GCN1: variants seen among roughly 807,000 people sequenced by gnomAD.
The protein encoded by GCN1 is stalled ribosome sensor GCN1.
GCN1 carries 90 observed loss-of-function variants against 288.4 expected under a neutral mutation model. That is an observed-to-expected ratio of 0.31 (90% CI 0.26 to 0.37). The LOEUF (loss-of-function observed/expected upper bound fraction) is 0.37, where lower values mean the gene tolerates loss of function less well. GCN1 is among the 10% of genes least tolerant of loss of function. The probability of loss-of-function intolerance (pLI) is 1.00; values close to 1 mark genes in which losing one functional copy is unlikely to be tolerated. For synonymous variants in GCN1, 1,386 were observed against 1,420.2 expected, an observed-to-expected ratio of 0.98 and a Z score of 0.54; for missense variants, 2,586 against 3,419.9, an observed-to-expected ratio of 0.76 and a Z score of 6.08.
chr12:120,182,561 G>A (rs1474158957), intron 5 of GCN1, among the ~76,000 whole-genome samples: 3 of 152,164 alleles, frequency 2.0e-5, no homozygotes, highest in African/African-American at 7.2e-5. Flanking sequence ...AGGTGGACAG[G>A]GTGAGTAGTA....
chr12:120,144,011 C>T lies in GCN1; in HGVS notation c.5495+295G>A, dbSNP rs1449806830. 6.6e-6 allele frequency among the ~76,000 whole-genome samples: 1 copy of T among 152,172 alleles called. No homozygotes were observed. Among genetic ancestry groups the T allele is most frequent in the African/African-American group, 2.4e-5 (1 of 41,450 alleles). On this transcript the variant is annotated intron_variant, in intron 42 of 57. Coordinates refer to ENST00000300648, the MANE Select transcript of GCN1 (RefSeq NM_006836.2). This position sits in a 1 kb window ranked among gnomAD's most constrained non-coding sequence, Gnocchi z 4.7. Reference sequence around the variant, plus strand: ...TTTTCTCCTAAGACAGCGTCTTGCTCTGTTGCCCAGGTTGGAGTGCAGTGG... The same window carrying T: ...TTTTCTCCTAAGACAGCGTCTTGCTTTGTTGCCCAGGTTGGAGTGCAGTGG...
chr12:120,164,300 C>A (rs750415357), intron 18 of GCN1, 36 bp downstream of exon 18: 21 of 1,582,142 alleles, frequency 1.3e-5, no homozygotes, highest in Admixed American at 1.1e-4. Context: ...CTAAGTGGAT[C>A]CAAGAGCCCC....
intron 47 of GCN1, 111 bp from the exon 48 acceptor site, chr12:120,138,155 A>C: frequency 9.5e-7 from 1 of 1,053,636 alleles, no homozygotes; most frequent in Non-Finnish European, 1.4e-6. Flanking sequence ...AGAGCCAAGC[A>C]TCTACTCCAG....
chr12:120,150,087 T>G (rs760001005), intron 34 of GCN1, 44 bp from the exon 35 acceptor site: 3 of 1,606,606 alleles, frequency 1.9e-6, no homozygotes. Flanking sequence ...GAATGTCCCC[T>G]GGGGGTAGCC....
At chr12:120,132,087 C>A in intron 53 of GCN1, 65 bp from the exon 54 acceptor site, 5 of 1,072,944 alleles carry the variant, frequency 4.7e-6, no homozygotes. Context: ...GGAACCAAGG[C>A]AGGCAGCTCT....
chr12:120,181,448 G>C, intron 5 of GCN1, among the ~76,000 whole-genome samples: 1 of 99,000 alleles, frequency 1.0e-5, no homozygotes, highest in East Asian at 2.9e-4. Flanking sequence ...CTGGGTGACA[G>C]AGCAAGATCT....
intron 14 of GCN1, 85 bp from the exon 15 acceptor site, chr12:120,170,406 G>A: frequency 8.3e-7 from 1 of 1,206,352 alleles, no homozygotes; most frequent in Non-Finnish European, 1.2e-6. Context: ...AACCAGCTGT[G>A]AACCAGACGA....
intron 55 of GCN1, 49 bp downstream of exon 55, chr12:120,131,136 G>A: frequency 6.4e-7 from 1 of 1,572,810 alleles, no homozygotes; most frequent in East Asian, 2.2e-5. Flanking sequence ...ACAAGGTGCT[G>A]CCTATGGGAT....
At chr12:120,162,993 T>C (rs1176069571) in intron 19 of GCN1, 22 bp from the exon 20 acceptor site, 1 of 1,614,142 alleles carries the variant, frequency 6.2e-7, no homozygotes, top group South Asian at 1.1e-5. Flanking sequence ...GGGAGCTCTT[T>C]GAGGCCTTCT....
At chr12:120,176,580 G>A (rs1273490693) in intron 9 of GCN1, among the ~76,000 whole-genome samples, 1 of 152,132 alleles carries the variant, frequency 6.6e-6, no homozygotes, top group African/African-American at 2.4e-5. Context: ...GGGGTAAGAG[G>A]ATATTTTGTT....
At position 120,170,068 on chromosome 12, in the gene GCN1, G is replaced by A. The variant is rs184595297; in HGVS notation, c.1519+101C>T. On this transcript the variant is annotated intron_variant, in intron 15 of 57. Coordinates refer to ENST00000300648, the MANE Select transcript of GCN1 (RefSeq NM_006836.2). ...CAAGCAAACCTGTGGCTGATCCAGTGTGGTCAGGACCAAGCTAATCCTGAA... is the reference window on the plus strand; with the variant it reads ...CAAGCAAACCTGTGGCTGATCCAGTATGGTCAGGACCAAGCTAATCCTGAA... The A allele has an allele frequency of 2.4e-4, 245 of 1,001,780 alleles. No homozygotes were observed. The African/African-American group carries it at 2.9e-3, about 12-fold the overall frequency. 62.1% of individuals were successfully genotyped at this position (1,001,780 alleles called of 1,614,324 possible).
chr12:120,146,236 C>T (rs1279121403), intron 38 of GCN1, among the ~76,000 whole-genome samples: 2 of 141,370 alleles, frequency 1.4e-5, no homozygotes, highest in South Asian at 4.4e-4. Context: ...CAGTGCACTC[C>T]AGCCTGGCAA....
At chr12:120,167,532 G>T (rs1212370417) in intron 16 of GCN1, among the ~76,000 whole-genome samples, 1 of 152,066 alleles carries the variant, frequency 6.6e-6, no homozygotes, top group Non-Finnish European at 1.5e-5. Flanking sequence ...TACAGAAGAA[G>T]CTAATAAAAT....
At chr12:120,190,018 ATTT>A (rs1878953545) in intron 2 of GCN1, among the ~76,000 whole-genome samples, 1 of 151,942 alleles carries the variant, frequency 6.6e-6, no homozygotes, top group Middle Eastern at 3.2e-3. Context: ...CACAAAATTT[ATTT>A]TTGATATGGA....
intron 38 of GCN1, 73 bp from the exon 39 acceptor site, chr12:120,145,403 C>A: frequency 8.9e-7 from 1 of 1,125,238 alleles, no homozygotes; most frequent in South Asian, 1.7e-5. Flanking sequence ...ACTGTGGACC[C>A]TGACCTCCCC....
chr12:120,156,773 C>A lies in GCN1; in HGVS notation c.3168+139G>T. ...CCCTCACTAGCTAACAACAGTCAGG[C>A]TGGCTCTCTAAAGCAGTCTTTCTAC... On this transcript the variant is annotated intron_variant, in intron 27 of 57. Coordinates refer to ENST00000300648, the MANE Select transcript of GCN1 (RefSeq NM_006836.2). The surrounding 1 kb of genome is among the most constrained non-coding windows in gnomAD (Gnocchi z 5.8). 1.1e-6 allele frequency: 1 copy of A among 894,156 alleles called. No homozygotes were observed. Among genetic ancestry groups the A allele is most frequent in the Non-Finnish European group, 1.8e-6 (1 of 556,232 alleles). 55.4% of individuals were successfully genotyped at this position (894,156 alleles called of 1,614,324 possible).
rs1464138434 is a variant in GCN1 at position 120,151,250 on chromosome 12, C to T, written c.4204G>A (p.Ala1402Thr). 2 of 1,614,188 alleles carry T rather than the reference C, an allele frequency of 1.2e-6. No homozygotes were observed. The highest frequency in any genetic ancestry group is 1.7e-6 in the Non-Finnish European group (2 of 1,180,026). The change falls in exon 34 of 58, where the codon GCG becomes ACG. Residue 1402 changes from alanine (A) to threonine (T), a missense_variant. By Grantham distance (58) the Ala-to-Thr change is moderately conservative. Around this residue, in one of 8 missense-constraint regions of GCN1, gnomAD observed 371 missense variants for 572.6 expected, o/e 0.65. Transcript: ENST00000300648. Reference protein sequence around the residue: ...AERKGAAYGLAGLVKGLGILS... With the variant: ...AERKGAAYGLTGLVKGLGILS... ...ATGCCCAGGCCCTTCACCAGGCCCG[C>T]CAGGCCATAGGCGGCCCCTTTGCGC...
At chr12:120,131,374 A>G (rs1876816311) in intron 54 of GCN1, 41 bp from the exon 55 acceptor site, 1 of 1,605,502 alleles carries the variant, frequency 6.2e-7, no homozygotes, top group South Asian at 1.1e-5. Flanking sequence ...GGTATTTTAC[A>G]GCATGTCCCC....
chr12:120,142,550 A>G lies in GCN1; in HGVS notation c.5786T>C (p.Leu1929Pro). The change falls in exon 44 of 58, where the codon CTC becomes CCC. Residue 1929 changes from leucine (L) to proline (P), a missense_variant. Physicochemically the swap from Leu to Pro is moderately conservative, Grantham distance 98 (BLOSUM62 -3). Transcript: ENST00000300648. The surrounding 1 kb of genome is among the most constrained non-coding windows in gnomAD (Gnocchi z 4.9). ...CGTGCTGGCCAGGAAACCCAGCAGG[A>G]GCCCAAAGAGAGTGGGTAGGATCTC... ...LREILPTLFG[L>P]LLGFLASTCA... 1 of 1,614,062 alleles carries G rather than the reference A, an allele frequency of 6.2e-7. No individual in the cohort carries two copies. Among genetic ancestry groups the G allele is most frequent in the Non-Finnish European group, 8.5e-7 (1 of 1,180,032 alleles).
Sources: gnomAD v4.1 joint callset for allele counts (sites outside exome capture counted in the v4.1 genomes callset) on GRCh38, gnomAD v4.1.1 for gene constraint, gnomAD v4.1.1 regional missense constraint, Gnocchi (gnomAD v3.1) non-coding constraint, MANE v1.5 for transcripts, NCBI Gene and HGNC (gene_info 2026-07-23, HGNC 2026-07-21) for gene names.